VTI1A: variants seen among roughly 807,000 people sequenced by gnomAD.
VTI1A encodes the protein vesicle transport through interaction with t-SNAREs 1A.
In VTI1A, 22 loss-of-function variants were observed where a neutral mutation model predicts 34.9. The ratio of observed to expected loss-of-function variants is 0.63; its 90% CI spans 0.45 to 0.90. The LOEUF (loss-of-function observed/expected upper bound fraction) is 0.90, where lower values mean the gene tolerates loss of function less well. VTI1A is among the 40% of genes least tolerant of loss of function. The pLI, the probability that VTI1A is intolerant of heterozygous loss-of-function variation, is 0.00. For missense variants in VTI1A, 268 were observed against 275.6 expected, an observed-to-expected ratio of 0.97 and a Z score of 0.20; for synonymous variants, 87 against 97.3, an observed-to-expected ratio of 0.89 and a Z score of 0.62.
At chr10:112,525,493 C>T (rs536285267) in intron 3 of VTI1A, among the ~76,000 whole-genome samples, 1 of 152,246 alleles carries the variant, frequency 6.6e-6, no homozygotes, top group South Asian at 2.1e-4. Flanking sequence ...CCCCAGTGTT[C>T]CAGTGTCAGT....
At chr10:112,688,856 CAT>C (rs1344252498) in intron 7 of VTI1A, among the ~76,000 whole-genome samples, 1 of 152,018 alleles carries the variant, frequency 6.6e-6, no homozygotes, top group Non-Finnish European at 1.5e-5. Flanking sequence ...GCCAATTTTT[CAT>C]AGTTATTATA....
chr10:112,592,089 G>A (rs61369142), intron 5 of VTI1A, among the ~76,000 whole-genome samples: 1,805 of 152,236 alleles, frequency 0.012, 42 homozygotes, highest in African/African-American at 0.04. Context: ...CAAGCAGCAG[G>A]GAAACCAAGA....
chr10:112,647,712 A>G (rs2133793411), intron 5 of VTI1A, among the ~76,000 whole-genome samples: 1 of 152,356 alleles, frequency 6.6e-6, no homozygotes, highest in East Asian at 1.9e-4. Flanking sequence ...GATTCCACAT[A>G]GAAATTTTTT....
At chr10:112,759,476 G>C (rs1851386686) in intron 7 of VTI1A, among the ~76,000 whole-genome samples, 1 of 152,174 alleles carries the variant, frequency 6.6e-6, no homozygotes, top group African/African-American at 2.4e-5. Context: ...AGCGTATAGA[G>C]TTCGTTCACA....
intron 7 of VTI1A, among the ~76,000 whole-genome samples, chr10:112,807,797 G>T (rs1853139316): frequency 6.6e-6 from 1 of 152,082 alleles, no homozygotes; most frequent in Non-Finnish European, 1.5e-5. Flanking sequence ...AGATTGCAGT[G>T]AGCCAAGATT....
chr10:112,716,605 G>T (rs971433692), intron 7 of VTI1A, among the ~76,000 whole-genome samples: 3 of 152,044 alleles, frequency 2.0e-5, no homozygotes, highest in African/African-American at 7.2e-5. Context: ...ACAATATGTT[G>T]TGCCCAGGAG....
intron 5 of VTI1A, among the ~76,000 whole-genome samples, chr10:112,546,861 C>T (rs1182967185): frequency 6.6e-6 from 1 of 152,118 alleles, no homozygotes; most frequent in East Asian, 1.9e-4. Context: ...GGATTCTTTC[C>T]ATTTCTGTTT....
intron 3 of VTI1A, among the ~76,000 whole-genome samples, chr10:112,474,084 T>C (rs1848195858): frequency 1.3e-5 from 2 of 151,986 alleles, no homozygotes; most frequent in Admixed American, 6.6e-5. Context: ...TTTTTTGAGA[T>C]GGAGTCTCGC....
chr10:112,707,619 A>G (rs1245381137), intron 7 of VTI1A, among the ~76,000 whole-genome samples: 1 of 152,120 alleles, frequency 6.6e-6, no homozygotes, highest in East Asian at 1.9e-4. Context: ...GGCTTGAGTC[A>G]CCTTGCCCAG....
At chr10:112,540,277 A>C (rs1366345420) in intron 5 of VTI1A, among the ~76,000 whole-genome samples, 1 of 152,254 alleles carries the variant, frequency 6.6e-6, no homozygotes, top group African/African-American at 2.4e-5. Context: ...AAAACATAAC[A>C]TCCACATCAA....
At chr10:112,539,840 T>A (rs905444800) in intron 5 of VTI1A, among the ~76,000 whole-genome samples, 6 of 152,202 alleles carry the variant, frequency 3.9e-5, no homozygotes, top group African/African-American at 1.4e-4. Context: ...TATTGTGTGG[T>A]CATTGACGAT....
chr10:112,810,863 C>T (rs1237223522), intron 7 of VTI1A, among the ~76,000 whole-genome samples: 1 of 152,146 alleles, frequency 6.6e-6, no homozygotes, highest in Non-Finnish European at 1.5e-5. Flanking sequence ...CTGGAAGAAG[C>T]TCCTGATTCT....
intron 3 of VTI1A, among the ~76,000 whole-genome samples, chr10:112,522,955 G>A (rs1301458032): frequency 6.6e-6 from 1 of 151,986 alleles, no homozygotes; most frequent in Admixed American, 6.6e-5. Context: ...TCTCATATAC[G>A]CTTTAGTAAT....
intron 5 of VTI1A, among the ~76,000 whole-genome samples, chr10:112,663,587 A>G (rs947366421): frequency 3.3e-5 from 5 of 152,212 alleles, no homozygotes; most frequent in Admixed American, 6.5e-5. Flanking sequence ...TTTTCCAGAT[A>G]TCAGAAATTC....
intron 7 of VTI1A, among the ~76,000 whole-genome samples, chr10:112,670,799 A>G (rs920263445): frequency 6.6e-6 from 1 of 152,164 alleles, no homozygotes; most frequent in African/African-American, 2.4e-5. Context: ...TTCTTTTGGG[A>G]TGTGTCTAGA....
intron 5 of VTI1A, among the ~76,000 whole-genome samples, chr10:112,656,620 C>T (rs911412284): frequency 1.3e-5 from 2 of 149,648 alleles, no homozygotes; most frequent in Non-Finnish European, 3.0e-5. Context: ...TGATCTGCCT[C>T]GGCCTCCCAA....
At chr10:112,628,508 C>A (rs1846005912) in intron 5 of VTI1A, among the ~76,000 whole-genome samples, 1 of 152,040 alleles carries the variant, frequency 6.6e-6, no homozygotes, top group Non-Finnish European at 1.5e-5. Context: ...AAAATTGGGC[C>A]ATCAAAGAAT....
At chr10:112,719,633 G>A (rs1231612393) in intron 7 of VTI1A, among the ~76,000 whole-genome samples, 2 of 151,126 alleles carry the variant, frequency 1.3e-5, no homozygotes, top group African/African-American at 2.4e-5. Context: ...CGCAACCTCC[G>A]CGTCCCAGGT....
At chr10:112,838,607 T>C in the VTI1A span, among the ~76,000 whole-genome samples, 1 of 152,102 alleles carries the variant, frequency 6.6e-6, no homozygotes, top group African/African-American at 2.4e-5. Flanking sequence ...GGGAAGGAAC[T>C]CAGAGACCCT....
Sources: gnomAD v4.1 joint callset for allele counts (sites outside exome capture counted in the v4.1 genomes callset) on GRCh38, gnomAD v4.1.1 for gene constraint, MANE v1.5 for transcripts, NCBI Gene and HGNC (gene_info 2026-07-23, HGNC 2026-07-21) for gene names.